Variants in RBFOX1 observed in about 807,000 individuals in gnomAD.
RBFOX1 encodes the protein RNA binding protein fox-1 homolog 1.
In RBFOX1, 8 loss-of-function variants were observed where a neutral mutation model predicts 57.7. The ratio of observed to expected loss-of-function variants is 0.14; its 90% CI spans 0.08 to 0.25. The LOEUF (loss-of-function observed/expected upper bound fraction) is 0.25, where lower values mean the gene tolerates loss of function less well. Ranked by LOEUF, RBFOX1 falls within the 10% of genes least tolerant of loss-of-function variation. RBFOX1 has a pLI of 1.00. For missense variants in RBFOX1, 611 were observed against 548.5 expected, an observed-to-expected ratio of 1.11 and a Z score of -1.14; for synonymous variants, 326 against 222.4, an observed-to-expected ratio of 1.47 and a Z score of -4.15.
intron 2 of RBFOX1, among the ~76,000 whole-genome samples, chr16:6,498,793 G>C (rs942393231): frequency 1.3e-5 from 2 of 152,172 alleles, no homozygotes; most frequent in Non-Finnish European, 2.9e-5. Flanking sequence ...ATTGAGGAAA[G>C]ATAGTGTTAT....
In RBFOX1 at chr16:7,223,949, C is replaced by T. The variant is rs181388902; in HGVS notation, c.27+171851C>T. ...GTGGACACATACCAGGATAGGCACACCTCATTGTTCCACATGTGGCTTCAG... is the reference window on the plus strand; with the variant it reads ...GTGGACACATACCAGGATAGGCACATCTCATTGTTCCACATGTGGCTTCAG... On this transcript the variant is annotated intron_variant, in intron 4 of 15. Transcript: ENST00000550418. Among the ~76,000 whole-genome samples, 36 of 151,798 alleles carry T rather than the reference C, an allele frequency of 2.4e-4. No individual in the cohort carries two copies. In the East Asian group the frequency reaches 3.5e-3, roughly 15 times the overall value.
intron 4 of RBFOX1, among the ~76,000 whole-genome samples, chr16:5,883,643 C>T (rs2057822772): frequency 1.3e-5 from 2 of 152,148 alleles, no homozygotes; most frequent in African/African-American, 2.4e-5. Flanking sequence ...GCTTGAGGCT[C>T]TGTCTAATAA....
chr16:5,416,646 C>T (rs74007409), intron 1 of RBFOX1, among the ~76,000 whole-genome samples: 2 of 151,660 alleles, frequency 1.3e-5, no homozygotes, highest in Non-Finnish European at 2.9e-5. Context: ...AAGTCTCTTA[C>T]AATGCTTACG....
At chr16:6,508,799 T>A (rs1418226351) in intron 2 of RBFOX1, among the ~76,000 whole-genome samples, 2 of 152,150 alleles carry the variant, frequency 1.3e-5, no homozygotes, top group African/African-American at 4.8e-5. Context: ...ATTTGCCATT[T>A]ATATTAGGTT....
intron 14 of RBFOX1, among the ~76,000 whole-genome samples, chr16:7,679,996 C>T (rs1299175309): frequency 1.3e-5 from 2 of 152,158 alleles, no homozygotes; most frequent in Admixed American, 6.5e-5. Context: ...TTGATTTATG[C>T]AAAGCCAACT....
intron 4 of RBFOX1, among the ~76,000 whole-genome samples, chr16:5,984,909 C>G (rs987675490): frequency 7.6e-6 from 1 of 131,436 alleles, no homozygotes; most frequent in South Asian, 2.4e-4. Context: ...AGTAAAAAGA[C>G]AGAATAAAAA....
At chr16:6,175,821 C>G (rs76097667) in intron 1 of RBFOX1, among the ~76,000 whole-genome samples, 4 of 152,040 alleles carry the variant, frequency 2.6e-5, no homozygotes, top group African/African-American at 9.7e-5. Flanking sequence ...AGAGGACCCA[C>G]ACGGGGACAA....
intron 3 of RBFOX1, among the ~76,000 whole-genome samples, chr16:7,002,510 G>C (rs2092913232): frequency 6.6e-6 from 1 of 152,096 alleles, no homozygotes; most frequent in East Asian, 1.9e-4. Context: ...TCAGGAGTTG[G>C]AGACCAGCCT....
chr16:6,398,674 G>A (rs1237271757), intron 2 of RBFOX1, among the ~76,000 whole-genome samples: 1 of 152,212 alleles, frequency 6.6e-6, no homozygotes, highest in Admixed American at 6.5e-5. Flanking sequence ...TGCAAGAAGT[G>A]GGCCCCCATG....
chr16:7,396,692 C>A (rs1461392122), intron 4 of RBFOX1, among the ~76,000 whole-genome samples: 1 of 152,192 alleles, frequency 6.6e-6, no homozygotes, highest in Non-Finnish European at 1.5e-5. Context: ...GTAATCCCAG[C>A]ACTTTGGGAG....
At chr16:5,910,591 A>C (rs1013401213) in intron 4 of RBFOX1, among the ~76,000 whole-genome samples, 1 of 152,164 alleles carries the variant, frequency 6.6e-6, no homozygotes, top group Non-Finnish European at 1.5e-5. Context: ...AGCTGGGTGC[A>C]GGGCTAGCAG....
At chr16:6,697,899 G>A (rs1003321913) in intron 3 of RBFOX1, among the ~76,000 whole-genome samples, 1 of 152,154 alleles carries the variant, frequency 6.6e-6, no homozygotes, top group Non-Finnish European at 1.5e-5. Flanking sequence ...GTAGGATGTG[G>A]CCAGAAGACC....
intron 4 of RBFOX1, among the ~76,000 whole-genome samples, chr16:7,147,756 G>A (rs2075312294): frequency 6.6e-6 from 1 of 152,094 alleles, no homozygotes; most frequent in South Asian, 2.1e-4. Flanking sequence ...TCTTTGCTAT[G>A]GTGAATAGAG....
At position 5,759,725 on chromosome 16, in the gene RBFOX1, C is replaced by T. The variant is rs867550132; in HGVS notation, c.319-107578C>T. Among the ~76,000 whole-genome samples, 12 of 152,286 alleles carry T rather than the reference C, an allele frequency of 7.9e-5. No individual in the cohort carries two copies. The South Asian group carries it at 2.3e-3, about 29-fold the overall frequency. ...TCTCGGTCTTTCTCTAAAAAGATGG[C>T]AGTTACCACTTTGGCTGGCTGGCAT... On this transcript the variant is annotated intron_variant, in intron 3 of 19. Coordinates refer to the RBFOX1 transcript ENST00000641259.
intron 3 of RBFOX1, among the ~76,000 whole-genome samples, chr16:6,885,686 C>G (rs967531218): frequency 8.6e-5 from 13 of 152,044 alleles, no homozygotes; most frequent in African/African-American, 3.1e-4. Flanking sequence ...CCCCTGCCAC[C>G]ACACTCAGCT....
At chr16:6,107,968 T>A (rs1372064276) in intron 1 of RBFOX1, among the ~76,000 whole-genome samples, 4 of 152,202 alleles carry the variant, frequency 2.6e-5, no homozygotes, top group African/African-American at 9.7e-5. Context: ...CAATTAAGAT[T>A]AGTCTTGAAA....
At chr16:6,079,135 C>G (rs1414683055) in intron 1 of RBFOX1, among the ~76,000 whole-genome samples, 1 of 140,784 alleles carries the variant, frequency 7.1e-6, no homozygotes, top group Non-Finnish European at 1.5e-5. Flanking sequence ...ATGGTGAAAC[C>G]TCATCTCTAC....
At chr16:6,649,560 T>G (rs945803541) in intron 2 of RBFOX1, among the ~76,000 whole-genome samples, 5 of 152,208 alleles carry the variant, frequency 3.3e-5, no homozygotes, top group African/African-American at 1.2e-4. Flanking sequence ...TGTACCATTC[T>G]TATGCCTTTG....
intron 3 of RBFOX1, among the ~76,000 whole-genome samples, chr16:6,971,180 T>C (rs2085453763): frequency 6.6e-6 from 1 of 152,168 alleles, no homozygotes. Context: ...TGGGAAAAAG[T>C]ATCCGCTATA....
Sources: allele counts gnomAD v4.1 joint callset (sites outside exome capture counted in the v4.1 genomes callset), GRCh38; gene constraint gnomAD v4.1.1; transcripts MANE v1.5; gene names NCBI Gene and HGNC (gene_info 2026-07-23, HGNC 2026-07-21).